SCML4: variants seen among roughly 807,000 people sequenced by gnomAD.
SCML4 encodes sex comb on midleg-like protein 4.
In SCML4, 34 loss-of-function variants were observed where a neutral mutation model predicts 41.1. The ratio of observed to expected loss-of-function variants is 0.83; its 90% CI spans 0.63 to 1.10. The LOEUF (loss-of-function observed/expected upper bound fraction) is 1.10. Ranked by LOEUF, SCML4 falls within the 50% of genes least tolerant of loss-of-function variation. SCML4 has a pLI of 0.00. For synonymous variants in SCML4, 214 were observed against 220.9 expected, an observed-to-expected ratio of 0.97 and a Z score of 0.28; for missense variants, 522 against 534.1, an observed-to-expected ratio of 0.98 and a Z score of 0.22.
intron 2 of SCML4, among the ~76,000 whole-genome samples, chr6:107,751,652 T>G (rs1778698576): frequency 6.7e-6 from 1 of 149,198 alleles, no homozygotes; most frequent in Non-Finnish European, 1.5e-5. Context: ...CTTTCTTTTT[T>G]GAGAGGGAGT....
chr6:107,738,792 C>T (rs1777321137), intron 5 of SCML4, among the ~76,000 whole-genome samples: 1 of 152,124 alleles, frequency 6.6e-6, no homozygotes, highest in Non-Finnish European at 1.5e-5. Context: ...GTAACCTGCC[C>T]TCCCGCTGTA....
chr6:107,802,371 G>A (rs1783205793), intron 1 of SCML4, among the ~76,000 whole-genome samples: 1 of 152,142 alleles, frequency 6.6e-6, no homozygotes, highest in Middle Eastern at 3.4e-3. Flanking sequence ...TAAAGCTATG[G>A]GCATATGGGA....
At chr6:107,781,212 C>T (rs1028577430) in intron 1 of SCML4, among the ~76,000 whole-genome samples, 3 of 151,906 alleles carry the variant, frequency 2.0e-5, no homozygotes, top group African/African-American at 7.3e-5. Context: ...AAATTAGCAA[C>T]AAAAATTAGA....
intron 5 of SCML4, among the ~76,000 whole-genome samples, chr6:107,728,366 T>C (rs9320230): frequency 0.067 from 10,181 of 152,192 alleles, 492 homozygotes; most frequent in Admixed American, 0.16. Flanking sequence ...ATCCCAGCAC[T>C]TTGGGAGGCG....
the SCML4 span, among the ~76,000 whole-genome samples, chr6:107,831,691 G>A: frequency 4.6e-5 from 7 of 152,172 alleles, no homozygotes; most frequent in Admixed American, 2.6e-4. Context: ...GGCCAAAGCG[G>A]GCAGATTACT....
rs1562272896 is a variant in SCML4, at chr6:107,802,588, A to AGGG, written c.-60+21537_-60+21538insCCC. On this transcript the variant is annotated intron_variant, in intron 1 of 7. Coordinates refer to ENST00000369020, the MANE Select transcript of SCML4 (RefSeq NM_198081.5). ...GGCTCGAGGGAGGGAGGGAGGAAGG[A>AGGG]AGGAAGGAAGGAAGGAAGGAAGGAA... Among the ~76,000 whole-genome samples the AGGG allele has an allele frequency of 8.6e-5, 10 of 116,440 alleles. No homozygotes were observed. In the East Asian group the frequency reaches 2.5e-3, roughly 29 times the overall value. The allele number at this position is 116,440 out of a possible 152,430, so 76.4% of individuals were successfully genotyped here. A position where few individuals can be genotyped will look rare whatever the true frequency, so the allele number is the denominator to read the frequency against.
At chr6:107,709,274 G>A (rs1774000280) in intron 6 of SCML4, among the ~76,000 whole-genome samples, 1 of 152,224 alleles carries the variant, frequency 6.6e-6, no homozygotes, top group African/African-American at 2.4e-5. Context: ...GGGGAGAAGA[G>A]CTCTGGTGCC....
intron 1 of SCML4, among the ~76,000 whole-genome samples, chr6:107,793,005 A>G (rs1366229243): frequency 6.6e-6 from 1 of 152,196 alleles, no homozygotes; most frequent in Non-Finnish European, 1.5e-5. Context: ...ATCCAAAAGG[A>G]GGAAGGAGAA....
intron 1 of SCML4, among the ~76,000 whole-genome samples, chr6:107,812,234 A>C (rs1784207244): frequency 6.6e-6 from 1 of 152,226 alleles, no homozygotes; most frequent in Non-Finnish European, 1.5e-5. Flanking sequence ...AGGTGCTCTG[A>C]AAATGAAAGA....
intron 1 of SCML4, among the ~76,000 whole-genome samples, chr6:107,805,167 T>C (rs2114253545): frequency 6.6e-6 from 1 of 152,226 alleles, no homozygotes. Context: ...GTTAGGGGTG[T>C]GGAGCAGGCA....
chr6:107,792,730 C>CAAA (rs529040468), intron 1 of SCML4, among the ~76,000 whole-genome samples: 6,095 of 125,504 alleles, frequency 0.049, 427 homozygotes, highest in African/African-American at 0.16. Flanking sequence ...GACTCTGTCT[C>CAAA]AAAAAAAAAA....
At chr6:107,831,668 C>T in the SCML4 span, among the ~76,000 whole-genome samples, 1 of 152,112 alleles carries the variant, frequency 6.6e-6, no homozygotes, top group East Asian at 1.9e-4. Context: ...CCTGTGGTCC[C>T]AGCACTGTGG....
chr6:107,784,744 G>A (rs1781754904), intron 1 of SCML4, among the ~76,000 whole-genome samples: 1 of 152,250 alleles, frequency 6.6e-6, no homozygotes, highest in African/African-American at 2.4e-5. Context: ...AGCTGCCCTA[G>A]TGCGTGGGAG....
intron 5 of SCML4, chr6:107,743,850 C>T (rs756083245): frequency 2.0e-5 from 3 of 152,182 alleles, no homozygotes; most frequent in Non-Finnish European, 4.4e-5. Context: ...TAAATTTATC[C>T]TTCCCTGCTG....
chr6:107,797,339 C>T (rs1265935740), intron 1 of SCML4, among the ~76,000 whole-genome samples: 4 of 151,932 alleles, frequency 2.6e-5, no homozygotes, highest in South Asian at 2.1e-4. Context: ...TTGGTGTAGA[C>T]GTCTTGCACA....
intron 7 of SCML4, among the ~76,000 whole-genome samples, chr6:107,707,371 T>G (rs903540131): frequency 3.7e-5 from 3 of 80,752 alleles, no homozygotes; most frequent in Non-Finnish European, 8.7e-5. Flanking sequence ...TTGATTCTTA[T>G]CTTTAAAAAA....
chr6:107,736,765 T>C (rs1299094545), intron 5 of SCML4, among the ~76,000 whole-genome samples: 1 of 152,058 alleles, frequency 6.6e-6, no homozygotes, highest in African/African-American at 2.4e-5. Context: ...CAATGCTGAG[T>C]GTATAGGTTC....
chr6:107,714,396 A>C (rs1241144702), intron 6 of SCML4, among the ~76,000 whole-genome samples: 1 of 152,014 alleles, frequency 6.6e-6, no homozygotes, highest in Non-Finnish European at 1.5e-5. Flanking sequence ...AGCCAGCTCC[A>C]CTGCCCCTTC....
chr6:107,835,790 G>T, the SCML4 span, among the ~76,000 whole-genome samples: 7 of 147,330 alleles, frequency 4.8e-5, no homozygotes, highest in African/African-American at 1.7e-4. Context: ...AAAAGAGAGA[G>T]CAGAAATAAA....
Sources: gnomAD v4.1 joint callset for allele counts (sites outside exome capture counted in the v4.1 genomes callset) on GRCh38, gnomAD v4.1.1 for gene constraint, MANE v1.5 for transcripts, NCBI Gene and HGNC (gene_info 2026-07-23, HGNC 2026-07-21) for gene names.